The following LONP2 variants were observed in gnomAD, a reference collection of about 807,000 sequenced individuals.
The protein encoded by LONP2 is lon protease homolog 2, peroxisomal.
A neutral mutation model predicts 85.6 loss-of-function variants in LONP2; 60 were observed. The ratio of observed to expected loss-of-function variants is 0.70; its 90% CI spans 0.57 to 0.87. The LOEUF is 0.87. LONP2 is among the 40% of genes least tolerant of loss of function. The pLI is 0.00. For synonymous variants in LONP2, 395 were observed against 389.7 expected (o/e 1.01, Z -0.16); for missense variants, 860 against 1,063.5 (o/e 0.81, Z 2.66).
chr16:48,345,333 C>A (rs551916254), intron 12 of LONP2: 8 of 152,338 alleles, frequency 5.3e-5, no homozygotes, highest in Admixed American at 5.2e-4. Flanking sequence ...AGGGATTATT[C>A]TTGGTAGAGT....
At chr16:48,252,677 GCTGT>G (rs1567307967) in intron 2 of LONP2, among the ~76,000 whole-genome samples, 8 of 152,106 alleles carry the variant, frequency 5.3e-5, no homozygotes, top group Admixed American at 3.3e-4. Flanking sequence ...CTGCACAGAA[GCTGT>G]CTGTCACTAA....
chr16:48,270,306 T>A (rs1178473347), intron 7 of LONP2, 32 bp downstream of exon 7: 1 of 1,605,832 alleles, frequency 6.2e-7, no homozygotes, highest in Non-Finnish European at 8.5e-7. Flanking sequence ...AATCTCTGAT[T>A]CCTCTTTCTT....
intron 11 of LONP2, among the ~76,000 whole-genome samples, chr16:48,320,375 A>G (rs1421303029): frequency 6.6e-6 from 1 of 152,108 alleles, no homozygotes; most frequent in Non-Finnish European, 1.5e-5. Flanking sequence ...CTCAGGACAA[A>G]TAAGAATTTA....
At position 48,362,776 on chromosome 16, in the gene LONP2, A is replaced by G. The variant is rs1960648801; in HGVS notation, c.*913A>G. 4.5e-6 allele frequency: 1 copy of G among 224,272 alleles called. No individual in the cohort carries two copies. Among genetic ancestry groups the G allele is most frequent in the East Asian group, 1.4e-4 (1 of 6,898 alleles). 13.9% of individuals were successfully genotyped at this position (224,272 alleles called of 1,614,324 possible). On this transcript the variant is annotated 3_prime_UTR_variant, in exon 5 of 5. Transcript: ENST00000565867. This position sits in a 1 kb window ranked among gnomAD's most constrained non-coding sequence, Gnocchi z 4.2. ...TATACAAGGAACTGAAGTTTAATCG[A>G]ATCCGTTTTGCTAGGACTCTCCCTG...
chr16:48,358,640 T>G (rs60747434), downstream of LONP2, among the ~76,000 whole-genome samples: 1 of 151,888 alleles, frequency 6.6e-6, no homozygotes, highest in Non-Finnish European at 1.5e-5. Flanking sequence ...CTGGGCAACA[T>G]AGCGAGACCC....
At chr16:48,317,523 A>G (rs1973171403) in intron 11 of LONP2, among the ~76,000 whole-genome samples, 2 of 152,244 alleles carry the variant, frequency 1.3e-5, no homozygotes. Context: ...GCTTCTACCT[A>G]TATAATTGAC....
chr16:48,246,863 C>T (rs925990592), intron 1 of LONP2, among the ~76,000 whole-genome samples: 1 of 152,182 alleles, frequency 6.6e-6, no homozygotes, highest in Middle Eastern at 3.2e-3. Context: ...CAAGCGCCAC[C>T]ATACCCTTCA....
intron 1 of LONP2, chr16:48,247,377 T>G (rs1223101668): frequency 1.3e-5 from 2 of 152,508 alleles, no homozygotes; most frequent in Non-Finnish European, 2.9e-5. Context: ...CTTGTTTCCT[T>G]TGCGCTATCC....
At chr16:48,283,048 A>G (rs927329665) in intron 8 of LONP2, among the ~76,000 whole-genome samples, 1 of 152,246 alleles carries the variant, frequency 6.6e-6, no homozygotes, top group African/African-American at 2.4e-5. Context: ...GCCAACTACA[A>G]CATTCCCTTA....
chr16:48,264,905 A>G (rs192555941), intron 6 of LONP2, among the ~76,000 whole-genome samples: 23 of 148,658 alleles, frequency 1.5e-4, no homozygotes, highest in African/African-American at 6.0e-4. Flanking sequence ...AACAGTGTAC[A>G]AGGGTGCCCT....
chr16:48,291,027 A>G (rs1972548688), intron 8 of LONP2, among the ~76,000 whole-genome samples: 1 of 152,224 alleles, frequency 6.6e-6, no homozygotes, highest in African/African-American at 2.4e-5. Flanking sequence ...ATGTCAGGAA[A>G]CAAAGAGATG....
intron 8 of LONP2, among the ~76,000 whole-genome samples, chr16:48,294,660 G>A (rs1972630186): frequency 6.6e-6 from 1 of 152,066 alleles, no homozygotes; most frequent in Admixed American, 6.6e-5. Context: ...CAGCTACTCA[G>A]GAGGCAAAGA....
At chr16:48,306,002 A>G (rs1972903656) in intron 11 of LONP2, among the ~76,000 whole-genome samples, 1 of 152,208 alleles carries the variant, frequency 6.6e-6, no homozygotes, top group African/African-American at 2.4e-5. Flanking sequence ...TCACTTGTGT[A>G]GATGACAGTG....
At chr16:48,245,340 T>C (rs979074209) in intron 1 of LONP2, among the ~76,000 whole-genome samples, 1 of 152,208 alleles carries the variant, frequency 6.6e-6, no homozygotes, top group Non-Finnish European at 1.5e-5. Flanking sequence ...CTCGCCCTAT[T>C]GGTGTGACTT....
chr16:48,254,844 A>G (rs758104707), intron 2 of LONP2, among the ~76,000 whole-genome samples: 1 of 152,214 alleles, frequency 6.6e-6, no homozygotes, highest in Non-Finnish European at 1.5e-5. Flanking sequence ...TGGGTCTGGC[A>G]AATAGTTTGT....
intron 8 of LONP2, among the ~76,000 whole-genome samples, chr16:48,285,231 T>G (rs1972414647): frequency 6.6e-6 from 1 of 152,180 alleles, no homozygotes; most frequent in Admixed American, 6.5e-5. Context: ...GGATCTCTTA[T>G]GCCTAATGAG....
At chr16:48,256,443 ACTTTT>A (rs1971762066) in intron 2 of LONP2, among the ~76,000 whole-genome samples, 162 bp from the exon 3 acceptor site, 1 of 152,192 alleles carries the variant, frequency 6.6e-6, no homozygotes, top group Non-Finnish European at 1.5e-5. Flanking sequence ...TTTTGAAAGT[ACTTTT>A]CTTTTCCTCT....
chr16:48,340,916 C>CA (rs901273953), intron 12 of LONP2, among the ~76,000 whole-genome samples: 4 of 151,296 alleles, frequency 2.6e-5, no homozygotes, highest in East Asian at 1.9e-4. Flanking sequence ...AACTCTGTCT[C>CA]AAAAAAAACA....
chr16:48,306,208 T>G (rs1972908368), intron 11 of LONP2, among the ~76,000 whole-genome samples: 1 of 152,192 alleles, frequency 6.6e-6, no homozygotes. Context: ...TTTTGAAAAT[T>G]GTGTTTAAGA....
Sources: allele counts gnomAD v4.1 joint callset (sites outside exome capture counted in the v4.1 genomes callset), GRCh38; gene constraint gnomAD v4.1.1; non-coding constraint Gnocchi (gnomAD v3.1); transcripts MANE v1.5; gene names NCBI Gene and HGNC (gene_info 2026-07-23, HGNC 2026-07-21).